PTPRD: variants seen among roughly 807,000 people sequenced by gnomAD.
The protein encoded by PTPRD is protein tyrosine phosphatase receptor type D.
In PTPRD, 34 loss-of-function variants were observed where a neutral mutation model predicts 214.5. That is an observed-to-expected ratio of 0.16 (90% CI 0.12 to 0.21). PTPRD has a LOEUF of 0.21. Among genes scored for constraint, PTPRD ranks in the 10% least tolerant of loss-of-function variants. The pLI, the probability that PTPRD is intolerant of heterozygous loss-of-function variation, is 1.00. For missense variants in PTPRD, 2,545 were observed against 2,398.7 expected (o/e 1.06, Z -1.27); for synonymous variants, 1,128 against 845.7 (o/e 1.33, Z -5.79).
At chr9:9,627,290 G>C (rs758227988) in intron 7 of PTPRD, among the ~76,000 whole-genome samples, 1 of 152,230 alleles carries the variant, frequency 6.6e-6, no homozygotes, top group Non-Finnish European at 1.5e-5. Flanking sequence ...ATGGGCGACA[G>C]AGTGAGACTC....
chr9:10,538,629 T>A (rs2058419290), intron 2 of PTPRD, among the ~76,000 whole-genome samples: 1 of 152,074 alleles, frequency 6.6e-6, no homozygotes, highest in Non-Finnish European at 1.5e-5. Context: ...CCCTCTCATC[T>A]CCCTTGCATT....
chr9:9,429,006 G>A (rs549169451), intron 8 of PTPRD, among the ~76,000 whole-genome samples: 1 of 152,228 alleles, frequency 6.6e-6, no homozygotes, highest in Non-Finnish European at 1.5e-5. Flanking sequence ...AGAGAAGCAA[G>A]AGCAAACACA....
At chr9:9,515,941 G>A (rs1241969957) in intron 8 of PTPRD, among the ~76,000 whole-genome samples, 1 of 152,044 alleles carries the variant, frequency 6.6e-6, no homozygotes, top group Non-Finnish European at 1.5e-5. Context: ...ATATTTATGA[G>A]ATTAGATTTC....
chr9:9,375,701 A>G (rs759182349), intron 9 of PTPRD, among the ~76,000 whole-genome samples: 1 of 152,198 alleles, frequency 6.6e-6, no homozygotes, highest in Non-Finnish European at 1.5e-5. Flanking sequence ...CAGAAAACAA[A>G]GAATAAATAT....
intron 11 of PTPRD, among the ~76,000 whole-genome samples, chr9:8,920,034 G>A (rs1410726826): frequency 6.6e-6 from 1 of 152,066 alleles, no homozygotes; most frequent in Non-Finnish European, 1.5e-5. Flanking sequence ...ATATATATGT[G>A]TATACATATA....
chr9:9,324,697 T>C (rs1033203487), intron 9 of PTPRD, among the ~76,000 whole-genome samples: 1 of 152,060 alleles, frequency 6.6e-6, no homozygotes, highest in African/African-American at 2.4e-5. Context: ...TTAGTTTAAT[T>C]CGATCCCATT....
intron 4 of PTPRD, among the ~76,000 whole-genome samples, chr9:10,023,181 T>C (rs1465211202): frequency 3.9e-5 from 6 of 152,218 alleles, no homozygotes; most frequent in Admixed American, 3.3e-4. Context: ...CGTGTGTATA[T>C]ACATAAATGT....
chr9:9,968,170 T>C (rs2094838410), intron 4 of PTPRD, among the ~76,000 whole-genome samples: 1 of 152,210 alleles, frequency 6.6e-6, no homozygotes, highest in South Asian at 2.1e-4. Flanking sequence ...AATGAAACCA[T>C]GAAGCCACAA....
chr9:9,245,825 T>G (rs973641516), intron 9 of PTPRD, among the ~76,000 whole-genome samples: 3 of 152,104 alleles, frequency 2.0e-5, no homozygotes, highest in Non-Finnish European at 4.4e-5. Flanking sequence ...AACGTTTGAA[T>G]GTTTTTGGGA....
At chr9:9,101,186 C>G (rs1363302734) in intron 10 of PTPRD, among the ~76,000 whole-genome samples, 1 of 151,340 alleles carries the variant, frequency 6.6e-6, no homozygotes, top group Non-Finnish European at 1.5e-5. Context: ...CAAAACAAAC[C>G]CGAAACAAAC....
chr9:9,450,097 T>C (rs1352813222), intron 8 of PTPRD, among the ~76,000 whole-genome samples: 1 of 68,532 alleles, frequency 1.5e-5, no homozygotes, highest in African/African-American at 4.9e-5. Flanking sequence ...TATTCCATGG[T>C]GTGTGTGTGT....
At chr9:9,778,132 G>A (rs2821493) in intron 5 of PTPRD, among the ~76,000 whole-genome samples, 67,456 of 151,770 alleles carry the variant, frequency 0.44, 15,453 homozygotes, top group East Asian at 0.7. Context: ...CAGATGTTTG[G>A]AAACAAAAAG....
chr9:8,698,122 C>A (rs2097967726), intron 12 of PTPRD, among the ~76,000 whole-genome samples: 1 of 152,112 alleles, frequency 6.6e-6, no homozygotes, highest in Non-Finnish European at 1.5e-5. Flanking sequence ...TTAAGGCAAC[C>A]AGTTTTAAAT....
rs2154465076 is a variant in PTPRD, at chr9:9,751,096, G to A, written c.-326+15714C>T. Among the ~76,000 whole-genome samples the A allele has an allele frequency of 1.3e-5, 2 of 152,172 alleles. 1 individual carries two copies. Among genetic ancestry groups the A allele is most frequent in the East Asian group, 3.9e-4 (2 of 5,178 alleles). Reference sequence around the variant, plus strand: ...GTTCTTGAATGAAGATTCTAAACATGCACACTCTTATCCACACAATAAAAC... The same window carrying A: ...GTTCTTGAATGAAGATTCTAAACATACACACTCTTATCCACACAATAAAAC... On this transcript the variant is annotated intron_variant, in intron 6 of 45. Transcript: ENST00000381196.
rs147708339 is a variant in PTPRD, at chr9:8,671,435, C to G, written c.65-34591G>C. On this transcript the variant is annotated intron_variant, in intron 12 of 45. Transcript: ENST00000381196. ...AAAGAAGCAAAAGGGAATGAAAGTTCGCCCAGGATACAGAACATATTAAAG... is the reference window on the plus strand; with the variant it reads ...AAAGAAGCAAAAGGGAATGAAAGTTGGCCCAGGATACAGAACATATTAAAG... Among the ~76,000 whole-genome samples the G allele has an allele frequency of 2.1e-3, 317 of 152,134 alleles. 1 individual carries two copies. The highest frequency in any genetic ancestry group is 7.3e-3 in the African/African-American group (305 of 41,528).
chr9:9,783,304 T>C (rs921904986), intron 5 of PTPRD, among the ~76,000 whole-genome samples: 13 of 152,144 alleles, frequency 8.5e-5, no homozygotes, highest in African/African-American at 3.1e-4. Flanking sequence ...GTGAGGAAAA[T>C]TTCCAATTTC....
chr9:8,813,209 C>T (rs557663235), intron 11 of PTPRD, among the ~76,000 whole-genome samples: 1 of 151,968 alleles, frequency 6.6e-6, no homozygotes, highest in South Asian at 2.1e-4. Flanking sequence ...GAATAATTAT[C>T]ACTGTTATTA....
chr9:9,042,605 C>CTTTTTTTTTTTTTTTTTTTT (rs201347176), intron 10 of PTPRD, among the ~76,000 whole-genome samples: 1 of 81,258 alleles, frequency 1.2e-5, no homozygotes, highest in African/African-American at 3.9e-5. Context: ...AGCATTTTTT[C>CTTTTTTTTTTTTTTTTTTTT]TTTTTTTTCT....
intron 27 of PTPRD, among the ~76,000 whole-genome samples, chr9:8,490,710 C>T (rs2097132404): frequency 6.6e-6 from 1 of 152,104 alleles, no homozygotes. Flanking sequence ...CCAACATTTT[C>T]TTCAGAAGCA....
Sources: allele counts gnomAD v4.1 joint callset (sites outside exome capture counted in the v4.1 genomes callset), GRCh38; gene constraint gnomAD v4.1.1; transcripts MANE v1.5; gene names NCBI Gene and HGNC (gene_info 2026-07-23, HGNC 2026-07-21).